The following CD300A variants were observed in gnomAD, a reference collection of about 807,000 sequenced individuals.
CD300A encodes the protein CD300a molecule.
CD300A carries 22 observed loss-of-function variants against 33.6 expected under a neutral mutation model. The observed-to-expected ratio is 0.66, with a 90% confidence interval of 0.47 to 0.94. The LOEUF is 0.94. Among genes scored for constraint, CD300A ranks in the 40% least tolerant of loss-of-function variants. The pLI, the probability that CD300A is intolerant of heterozygous loss-of-function variation, is 0.00. For synonymous variants in CD300A, 136 were observed against 148.1 expected (o/e 0.92, Z 0.59); for missense variants, 326 against 360.5 (o/e 0.90, Z 0.77).
intron 6 of CD300A, among the ~76,000 whole-genome samples, chr17:74,483,516 C>T (rs934990669): frequency 2.0e-5 from 3 of 152,146 alleles, no homozygotes; most frequent in East Asian, 3.9e-4. Flanking sequence ...ACCACCACGC[C>T]CAGCTAGTTT....
At chr17:74,474,214 T>C (rs2293190) in intron 2 of CD300A, among the ~76,000 whole-genome samples, 90,173 of 151,326 alleles carry the variant, frequency 0.6, 30,038 homozygotes, top group African/African-American at 0.9. Flanking sequence ...GAAGCTGCTG[T>C]CCTCAGGGGG....
chr17:74,473,856 G>A lies in CD300A; in HGVS notation c.361G>A (p.Glu121Lys). ...RDFHDPVVEV[E>K]VSVFPASTSM... ...CTTTCATGATCCCGTTGTCGAGGTT[G>A]AGGTGTCCGTGTTCCCGGGTGAGCC... Residue 121 changes from glutamate to lysine, a missense_variant, in exon 2 of 7, where the codon GAG becomes AAG. Coordinates refer to ENST00000360141, the MANE Select transcript of CD300A (RefSeq NM_007261.4). The A allele has an allele frequency of 6.2e-7, 1 of 1,611,078 alleles. No homozygotes were observed. The highest frequency in any genetic ancestry group is 8.5e-7 in the Non-Finnish European group (1 of 1,177,364).
chr17:74,470,102 C>A lies in CD300A; in HGVS notation c.40+3359C>A, dbSNP rs574761571. Reference sequence around the variant, plus strand: ...AACGTTAAGACGACAGAGGAATATCCTGGTAGAGGACCCTGGCCCCAAGGT... The same window carrying A: ...AACGTTAAGACGACAGAGGAATATCATGGTAGAGGACCCTGGCCCCAAGGT... On this transcript the variant is annotated intron_variant, in intron 1 of 6. Coordinates refer to ENST00000360141, the MANE Select transcript of CD300A (RefSeq NM_007261.4). 23 of 985,344 alleles carry A rather than the reference C, an allele frequency of 2.3e-5. No homozygotes were observed. The South Asian group carries it at 9.4e-4, about 40-fold the overall frequency. The allele number at this position is 985,344 out of a possible 1,614,324, so 61.0% of individuals were successfully genotyped here. A position where few individuals can be genotyped will look rare whatever the true frequency, so the allele number is the denominator to read the frequency against.
At chr17:74,466,830 C>T in intron 1 of CD300A, 87 bp downstream of exon 1, 1 of 1,547,824 alleles carries the variant, frequency 6.5e-7, no homozygotes, top group African/African-American at 1.4e-5. Flanking sequence ...CACGAGACGC[C>T]CCGAGTCTGG....
At chr17:74,466,774 GGC>G in intron 1 of CD300A, 31 bp downstream of exon 1, 1 of 1,573,030 alleles carries the variant, frequency 6.4e-7, no homozygotes, top group Non-Finnish European at 8.6e-7. Context: ...GAAAGTCTGC[GGC>G]AGGGAGGGAG....
At chr17:74,482,697 CCTTTCTTTCTTT>C (rs146984765) in intron 6 of CD300A, among the ~76,000 whole-genome samples, 59 of 130,226 alleles carry the variant, frequency 4.5e-4, no homozygotes, top group Middle Eastern at 3.8e-3. Flanking sequence ...TTCCTTCCTT[CCTTTCTTTCTTT>C]CTTTCTTTCT....
intron 3 of CD300A, among the ~76,000 whole-genome samples, chr17:74,475,404 G>A (rs1906395268): frequency 6.6e-6 from 1 of 152,146 alleles, no homozygotes; most frequent in South Asian, 2.1e-4. Context: ...TGAGTAAACT[G>A]AGACTCAGCG....
intron 4 of CD300A, among the ~76,000 whole-genome samples, chr17:74,477,913 C>T (rs1249564779): frequency 2.6e-5 from 4 of 152,088 alleles, no homozygotes; most frequent in African/African-American, 9.7e-5. Flanking sequence ...GACCAGCCTG[C>T]GCAACACAAC....
chr17:74,484,259 C>A lies in CD300A; in HGVS notation c.*133C>A, dbSNP rs1181307740. 3.6e-5 allele frequency: 34 copies of A among 945,858 alleles called. No homozygotes were observed. Among genetic ancestry groups the A allele is most frequent in the Non-Finnish European group, 4.5e-5 (29 of 640,442 alleles). The allele number at this position is 945,858 out of a possible 1,614,324, so 58.6% of individuals were successfully genotyped here. On this transcript the variant is annotated 3_prime_UTR_variant, in exon 7 of 7. Coordinates refer to ENST00000360141, the MANE Select transcript of CD300A (RefSeq NM_007261.4). ...ACCAACAGACAGGCAGCTGGGTTTC[C>A]CAGGCCATCCCTCTGTTGCCATCAG...
At chr17:74,475,761 A>G (rs150205664) in intron 3 of CD300A, among the ~76,000 whole-genome samples, 301 of 152,282 alleles carry the variant, frequency 2.0e-3, no homozygotes, top group African/African-American at 6.8e-3. Flanking sequence ...ATGCCAGTCG[A>G]ACTTTGGGGA....
intron 1 of CD300A, chr17:74,469,885 GTA>G (rs780203605): frequency 4.3e-5 from 35 of 807,158 alleles, no homozygotes; most frequent in Non-Finnish European, 5.2e-5. Flanking sequence ...ATTTATTAAT[GTA>G]TATACTAACT....
intron 1 of CD300A, among the ~76,000 whole-genome samples, chr17:74,471,199 A>AT (rs1464531504): frequency 1.3e-5 from 2 of 152,208 alleles, no homozygotes; most frequent in Non-Finnish European, 2.9e-5. Flanking sequence ...TGTCAATTTT[A>AT]GTGATTTGTG....
intron 1 of CD300A, chr17:74,470,313 G>A (rs1430324564): frequency 6.9e-6 from 6 of 868,564 alleles, no homozygotes; most frequent in South Asian, 5.3e-5. Context: ...ACCCTCACAG[G>A]TGGAACAGAG....
intron 6 of CD300A, among the ~76,000 whole-genome samples, chr17:74,482,733 T>TCTTTCTTTCTCC (rs1213768888): frequency 1.6e-5 from 2 of 122,286 alleles, no homozygotes; most frequent in African/African-American, 5.4e-5. Context: ...TTTCTTTCTT[T>TCTTTCTTTCTCC]GGAATCTCGC....
upstream of CD300A, chr17:74,466,429 T>G (rs1567975535): frequency 5.5e-6 from 3 of 541,188 alleles, no homozygotes; most frequent in Non-Finnish European, 6.7e-6. Context: ...ACGGAGTCAC[T>G]ACAGGGAGAG....
chr17:74,477,629 C>A, intron 4 of CD300A, 99 bp downstream of exon 4: 1 of 762,266 alleles, frequency 1.3e-6, no homozygotes, highest in Non-Finnish European at 2.2e-6. Context: ...CACAGTATTG[C>A]TATGACATGT....
intron 3 of CD300A, among the ~76,000 whole-genome samples, chr17:74,475,648 C>T (rs1366525477): frequency 6.6e-6 from 1 of 152,108 alleles, no homozygotes; most frequent in Non-Finnish European, 1.5e-5. Context: ...AGCACAAAAC[C>T]CCACAATTCC....
rs529307293 is a variant in CD300A, at chr17:74,478,520, T to C, written c.628+990T>C. ...AAGTAGATGCTCAATAAATAGCTGA[T>C]AGGCAAATTGAATAAGCACAGGAAC... On this transcript the variant is annotated intron_variant, in intron 4 of 6. Transcript: ENST00000360141. Among the ~76,000 whole-genome samples the C allele has an allele frequency of 2.6e-5, 4 of 152,312 alleles. No individual in the cohort carries two copies. In the East Asian group the frequency reaches 7.7e-4, roughly 29 times the overall value.
chr17:74,477,563 C>T (rs367629339), intron 4 of CD300A, 33 bp downstream of exon 4: 2 of 1,495,714 alleles, frequency 1.3e-6, no homozygotes, highest in Admixed American at 3.4e-5. Flanking sequence ...TCTGCCCCAC[C>T]TGGGGTGGTC....
Sources: gnomAD v4.1 joint callset for allele counts (sites outside exome capture counted in the v4.1 genomes callset) on GRCh38, gnomAD v4.1.1 for gene constraint, MANE v1.5 for transcripts, NCBI Gene and HGNC (gene_info 2026-07-23, HGNC 2026-07-21) for gene names.